Variants in HS6ST3 observed in about 807,000 individuals in gnomAD.
HS6ST3 encodes the protein heparan-sulfate 6-O-sulfotransferase 3.
Under a neutral mutation model 36.7 loss-of-function variants are expected in HS6ST3, and 12 were observed. The ratio of observed to expected loss-of-function variants is 0.33; its 90% CI spans 0.21 to 0.53. The LOEUF is 0.53. HS6ST3 is among the 20% of genes least tolerant of loss of function. The pLI is 0.95. For missense variants in HS6ST3, 584 were observed against 640.9 expected (o/e 0.91, Z 0.96); for synonymous variants, 240 against 257.5 (o/e 0.93, Z 0.65).
At chr13:96,166,368 C>T (rs886692504) in intron 1 of HS6ST3, among the ~76,000 whole-genome samples, 4 of 152,106 alleles carry the variant, frequency 2.6e-5, no homozygotes, top group South Asian at 2.1e-4. Context: ...ACAGCCTAAC[C>T]GATTCCTGAG....
intron 1 of HS6ST3, among the ~76,000 whole-genome samples, chr13:96,537,049 A>G (rs1363199154): frequency 6.6e-6 from 1 of 152,182 alleles, no homozygotes; most frequent in African/African-American, 2.4e-5. Flanking sequence ...TGCTTCCTGT[A>G]TTAGTCTGTT....
At chr13:96,268,528 A>G (rs2054704072) in intron 1 of HS6ST3, among the ~76,000 whole-genome samples, 1 of 151,972 alleles carries the variant, frequency 6.6e-6, no homozygotes, top group Admixed American at 6.6e-5. Context: ...CTACAGTTCA[A>G]GATGAGATTT....
intron 1 of HS6ST3, among the ~76,000 whole-genome samples, chr13:96,817,390 T>C (rs1307968220): frequency 3.9e-5 from 6 of 152,228 alleles, no homozygotes; most frequent in Admixed American, 3.3e-4. Flanking sequence ...TGAATTTTTA[T>C]ATGAAATTCT....
At chr13:96,383,037 A>G (rs1234750170) in intron 1 of HS6ST3, among the ~76,000 whole-genome samples, 3 of 152,336 alleles carry the variant, frequency 2.0e-5, no homozygotes, top group East Asian at 3.9e-4. Context: ...AAGGTTAACA[A>G]CTTACCTCCA....
intron 1 of HS6ST3, among the ~76,000 whole-genome samples, chr13:96,104,801 TC>T (rs1381981279): frequency 6.6e-6 from 1 of 152,168 alleles, no homozygotes; most frequent in Non-Finnish European, 1.5e-5. Context: ...TCCCTTGGCT[TC>T]CTGACTGACC....
intron 1 of HS6ST3, among the ~76,000 whole-genome samples, chr13:96,484,151 A>G (rs2055902748): frequency 6.6e-6 from 1 of 151,870 alleles, no homozygotes; most frequent in Non-Finnish European, 1.5e-5. Flanking sequence ...GCTTTTTTTC[A>G]GCTTTATTGA....
chr13:96,623,124 A>G (rs1197813093), intron 1 of HS6ST3, among the ~76,000 whole-genome samples: 2 of 152,110 alleles, frequency 1.3e-5, no homozygotes, highest in South Asian at 2.1e-4. Context: ...GTAATTTTGC[A>G]TCATAAACTT....
At chr13:96,142,496 C>T (rs890056559) in intron 1 of HS6ST3, among the ~76,000 whole-genome samples, 1 of 152,092 alleles carries the variant, frequency 6.6e-6, no homozygotes, top group African/African-American at 2.4e-5. Flanking sequence ...GGTGTCTCAG[C>T]TCTCCACCAA....
chr13:96,404,699 CTAATCCACAGTAAATCAGAGGA>C (rs1362393283), intron 1 of HS6ST3, among the ~76,000 whole-genome samples: 12 of 152,220 alleles, frequency 7.9e-5, no homozygotes, highest in African/African-American at 2.7e-4. Flanking sequence ...AAACTTCACA[CTAATCCACAGTAAATCAGAGGA>C]CAGTGGTGAG....
At chr13:96,402,938 A>G (rs560066944) in intron 1 of HS6ST3, among the ~76,000 whole-genome samples, 1 of 152,324 alleles carries the variant, frequency 6.6e-6, no homozygotes, top group African/African-American at 2.4e-5. Context: ...TAGGAGTAGA[A>G]TCACTGGCGT....
chr13:96,564,622 G>A (rs900923841), intron 1 of HS6ST3, among the ~76,000 whole-genome samples: 3 of 152,164 alleles, frequency 2.0e-5, no homozygotes, highest in Admixed American at 1.3e-4. Context: ...CTTTCTCCAC[G>A]AAATGACCTG....
intron 1 of HS6ST3, chr13:96,574,000 A>G (rs1399623194): frequency 1.7e-5 from 9 of 541,690 alleles, no homozygotes; most frequent in Admixed American, 1.5e-4. Flanking sequence ...CACAGCCACG[A>G]CTTCCTAGAT....
In HS6ST3 at chr13:96,394,230, C is replaced by T. The variant is rs185519693; in HGVS notation, c.707+302661C>T. Among the ~76,000 whole-genome samples the T allele has an allele frequency of 1.1e-4, 16 of 152,064 alleles. No individual in the cohort carries two copies. The East Asian group carries it at 2.9e-3, about 28-fold the overall frequency. ...CATGTTGAACTTCTCCACAGCTATGCCTGTGGCCCTTACTGCCTACTGAGA... is the reference window on the plus strand; with the variant it reads ...CATGTTGAACTTCTCCACAGCTATGTCTGTGGCCCTTACTGCCTACTGAGA... On this transcript the variant is annotated intron_variant, in intron 1 of 1. Transcript: ENST00000376705.
chr13:96,507,615 G>C (rs1304689708), intron 1 of HS6ST3, among the ~76,000 whole-genome samples: 1 of 151,866 alleles, frequency 6.6e-6, no homozygotes, highest in East Asian at 1.9e-4. Flanking sequence ...CATAAGAACG[G>C]CTCCAGTCAC....
At position 96,530,259 on chromosome 13, in the gene HS6ST3, GTA is replaced by G. The variant is rs2056130446; in HGVS notation, c.708-302230_708-302229del. ...TGACTTCCTCTTTTCAGCTCCCAAAGTACCTCTTAAGATTCCTAGGGATTAAT... is the reference window on the plus strand; with the variant it reads ...TGACTTCCTCTTTTCAGCTCCCAAAGCCTCTTAAGATTCCTAGGGATTAAT... On this transcript the variant is annotated intron_variant, in intron 1 of 1. Transcript: ENST00000376705. Among the ~76,000 whole-genome samples, 4 of 152,128 alleles carry G rather than the reference GTA, an allele frequency of 2.6e-5. 1 individual carries two copies. In the South Asian group the frequency reaches 8.3e-4, roughly 32 times the overall value.
At chr13:96,163,026 A>G (rs1291382909) in intron 1 of HS6ST3, among the ~76,000 whole-genome samples, 1 of 151,990 alleles carries the variant, frequency 6.6e-6, no homozygotes, top group Non-Finnish European at 1.5e-5. Flanking sequence ...ATATTTTAGG[A>G]CCTGACTCCA....
chr13:96,246,063 A>G (rs887202668), intron 1 of HS6ST3, among the ~76,000 whole-genome samples: 16 of 152,244 alleles, frequency 1.1e-4, no homozygotes, highest in Non-Finnish European at 2.1e-4. Flanking sequence ...AATATTAATG[A>G]AATATATTCT....
intron 1 of HS6ST3, among the ~76,000 whole-genome samples, chr13:96,543,313 G>T (rs1027157941): frequency 6.6e-6 from 1 of 152,132 alleles, no homozygotes; most frequent in Non-Finnish European, 1.5e-5. Flanking sequence ...CAGGTTGTCT[G>T]CTCATCTGGT....
chr13:96,528,681 A>G (rs2056124142), intron 1 of HS6ST3, among the ~76,000 whole-genome samples: 2 of 152,208 alleles, frequency 1.3e-5, no homozygotes, highest in South Asian at 4.1e-4. Context: ...TTCAGATTCC[A>G]CATTGCAAAT....
Sources: gnomAD v4.1 joint callset for allele counts (sites outside exome capture counted in the v4.1 genomes callset) on GRCh38, gnomAD v4.1.1 for gene constraint, MANE v1.5 for transcripts, NCBI Gene and HGNC (gene_info 2026-07-23, HGNC 2026-07-21) for gene names.